The following GPC6 variants were observed in gnomAD, a reference collection of about 807,000 sequenced individuals.
GPC6 encodes the protein glypican-6.
A neutral mutation model predicts 55.2 loss-of-function variants in GPC6; 14 were observed. The ratio of observed to expected loss-of-function variants is 0.25; its 90% CI spans 0.17 to 0.40. The LOEUF is 0.40. Ranked by LOEUF, GPC6 falls within the 10% of genes least tolerant of loss-of-function variation. The probability of loss-of-function intolerance (pLI) is 1.00; values close to 1 mark genes in which losing one functional copy is unlikely to be tolerated. For missense variants in GPC6, 641 were observed against 708.5 expected (o/e 0.90, Z 1.08); for synonymous variants, 278 against 259.6 (o/e 1.07, Z -0.68).
At chr13:93,955,243 G>GCACACA (rs10524254) in intron 3 of GPC6, among the ~76,000 whole-genome samples, 14 of 136,268 alleles carry the variant, frequency 1.0e-4, no homozygotes, top group East Asian at 6.5e-4. Flanking sequence ...GAATGAACAT[G>GCACACA]CACACACACA....
chr13:93,884,754 T>C (rs1475272995), intron 3 of GPC6, among the ~76,000 whole-genome samples: 1 of 152,128 alleles, frequency 6.6e-6, no homozygotes. Flanking sequence ...GGTACTTCAG[T>C]GTTCAATGCT....
chr13:93,220,896 T>C, the GPC6 span, among the ~76,000 whole-genome samples: 7 of 152,158 alleles, frequency 4.6e-5, no homozygotes, highest in African/African-American at 1.7e-4. Flanking sequence ...TATTTAATTT[T>C]AGTTTTTGTG....
chr13:94,049,948 G>T (rs2138751766), intron 4 of GPC6, among the ~76,000 whole-genome samples: 1 of 152,142 alleles, frequency 6.6e-6, no homozygotes, highest in Non-Finnish European at 1.5e-5. Context: ...GAGATCTGAT[G>T]GTTTTATAAG....
At chr13:93,420,974 A>G (rs1017654761) in intron 1 of GPC6, among the ~76,000 whole-genome samples, 1 of 152,130 alleles carries the variant, frequency 6.6e-6, no homozygotes, top group Non-Finnish European at 1.5e-5. Flanking sequence ...GAAGCCAAGC[A>G]TGAGAAAATC....
chr13:93,746,290 A>G (rs1177661276), intron 2 of GPC6, among the ~76,000 whole-genome samples: 1 of 152,210 alleles, frequency 6.6e-6, no homozygotes, highest in East Asian at 1.9e-4. Flanking sequence ...ATAATTGCAG[A>G]TGATAAATAT....
chr13:93,799,906 T>G (rs1886317202), intron 2 of GPC6, among the ~76,000 whole-genome samples: 1 of 152,208 alleles, frequency 6.6e-6, no homozygotes, highest in African/African-American at 2.4e-5. Flanking sequence ...TCCACTTTCA[T>G]GTACTCTAGT....
rs1390540205 is a variant in GPC6 at position 94,407,726 on chromosome 13, A to G, written c.*4509A>G. Among the ~76,000 whole-genome samples the G allele has an allele frequency of 1.3e-5, 2 of 152,230 alleles. No individual in the cohort carries two copies. The highest frequency in any genetic ancestry group is 3.8e-4 in the East Asian group (2 of 5,206). On this transcript the variant is annotated 3_prime_UTR_variant, in exon 9 of 9. Coordinates refer to ENST00000377047, the MANE Select transcript of GPC6 (RefSeq NM_005708.5). Reference sequence around the variant, plus strand: ...TAAATGAGGTCAGAAAATAAGATCAAATGTGAAAAGACTAATAATTTCCCA... The same window carrying G: ...TAAATGAGGTCAGAAAATAAGATCAGATGTGAAAAGACTAATAATTTCCCA...
At chr13:93,329,331 G>C (rs193049887) in intron 1 of GPC6, among the ~76,000 whole-genome samples, 1 of 152,036 alleles carries the variant, frequency 6.6e-6, no homozygotes, top group Non-Finnish European at 1.5e-5. Context: ...CAGTGAACCC[G>C]TCACTATTGG....
chr13:93,666,030 A>G (rs1881118287), intron 2 of GPC6, among the ~76,000 whole-genome samples: 1 of 152,190 alleles, frequency 6.6e-6, no homozygotes, highest in Non-Finnish European at 1.5e-5. Context: ...AATTAAAAAG[A>G]GAAAAAGAGC....
At chr13:93,719,304 T>G (rs546325660) in intron 2 of GPC6, among the ~76,000 whole-genome samples, 1 of 152,076 alleles carries the variant, frequency 6.6e-6, no homozygotes, top group Admixed American at 6.6e-5. Flanking sequence ...TTCACATCCC[T>G]TGTCAGTTTT....
intron 1 of GPC6, among the ~76,000 whole-genome samples, chr13:93,401,694 T>C (rs1876090074): frequency 7.0e-6 from 1 of 143,574 alleles, no homozygotes; most frequent in Admixed American, 6.9e-5. Context: ...ATGGACTTTT[T>C]TTTTTTTTTT....
intron 4 of GPC6, among the ~76,000 whole-genome samples, chr13:94,229,111 G>A (rs2139010863): frequency 6.6e-6 from 1 of 152,302 alleles, no homozygotes; most frequent in South Asian, 2.1e-4. Flanking sequence ...GATTCATGCT[G>A]ACATCAGTCC....
At chr13:93,224,047 G>T (rs111635910), upstream of GPC6, among the ~76,000 whole-genome samples, 78 of 151,398 alleles carry the variant, frequency 5.2e-4, no homozygotes, top group African/African-American at 1.9e-3. Context: ...CTGCAGTGCC[G>T]GCCACCACAC....
intron 1 of GPC6, among the ~76,000 whole-genome samples, chr13:93,486,956 A>G (rs1487732618): frequency 6.6e-6 from 1 of 150,970 alleles, no homozygotes; most frequent in African/African-American, 2.4e-5. Context: ...AAAAAAAAAA[A>G]ACAAAAAAAC....
At chr13:94,080,136 T>G (rs1316209946) in intron 4 of GPC6, among the ~76,000 whole-genome samples, 1 of 152,196 alleles carries the variant, frequency 6.6e-6, no homozygotes, top group East Asian at 1.9e-4. Flanking sequence ...CATTTGAGAT[T>G]CATCATCCCA....
At chr13:94,356,381 A>G (rs1180197294) in intron 6 of GPC6, among the ~76,000 whole-genome samples, 1 of 152,180 alleles carries the variant, frequency 6.6e-6, no homozygotes, top group Non-Finnish European at 1.5e-5. Context: ...CTCTTCCACA[A>G]TGCTATATAT....
chr13:94,182,594 GT>G (rs923783753), intron 4 of GPC6, among the ~76,000 whole-genome samples: 2 of 151,894 alleles, frequency 1.3e-5, no homozygotes, highest in African/African-American at 4.8e-5. Context: ...GCTGTGTAAT[GT>G]TTTTTTTCCT....
chr13:93,767,274 G>A (rs1337957105), intron 2 of GPC6, among the ~76,000 whole-genome samples: 4 of 151,966 alleles, frequency 2.6e-5, no homozygotes. Flanking sequence ...CCATGAAAAA[G>A]CAACAAGTGC....
At chr13:93,570,159 C>T (rs775981387) in intron 2 of GPC6, among the ~76,000 whole-genome samples, 8 of 152,068 alleles carry the variant, frequency 5.3e-5, no homozygotes, top group Non-Finnish European at 8.8e-5. Flanking sequence ...AAAGATATTG[C>T]CATTAACCAT....
Sources: gnomAD v4.1 joint callset for allele counts (sites outside exome capture counted in the v4.1 genomes callset) on GRCh38, gnomAD v4.1.1 for gene constraint, MANE v1.5 for transcripts, NCBI Gene and HGNC (gene_info 2026-07-23, HGNC 2026-07-21) for gene names.